The following COL13A1 variants were observed in gnomAD, a reference collection of about 807,000 sequenced individuals.
The protein encoded by COL13A1 is collagen type XIII alpha 1 chain, also known as collagen alpha-1(XIII) chain.
In COL13A1, 89 loss-of-function variants were observed where a neutral mutation model predicts 130.9. That is an observed-to-expected ratio of 0.68 (90% CI 0.57 to 0.81). COL13A1 has a LOEUF of 0.81. Among genes scored for constraint, COL13A1 ranks in the 30% least tolerant of loss-of-function variants. COL13A1 has a pLI of 0.00. For synonymous variants in COL13A1, 402 were observed against 341.6 expected, an observed-to-expected ratio of 1.18 and a Z score of -1.95; for missense variants, 879 against 934.6, an observed-to-expected ratio of 0.94 and a Z score of 0.78.
chr10:69,952,544 G>C (rs1424769206), intron 38 of COL13A1, among the ~76,000 whole-genome samples: 2 of 152,196 alleles, frequency 1.3e-5, no homozygotes, highest in African/African-American at 4.8e-5. Context: ...GAAGGAAGTT[G>C]GTCCCTAGCC....
chr10:69,905,023 G>A (rs529951653), intron 16 of COL13A1, 64 bp downstream of exon 16: 6 of 1,529,576 alleles, frequency 3.9e-6, no homozygotes, highest in Non-Finnish European at 5.3e-6. Context: ...GGGAGGGGGA[G>A]GCAGCACAGA....
intron 6 of COL13A1, among the ~76,000 whole-genome samples, chr10:69,879,749 G>A (rs902532599): frequency 6.6e-6 from 1 of 152,140 alleles, no homozygotes; most frequent in South Asian, 2.1e-4. Context: ...CGCACACATG[G>A]CACTTGTCTA....
At chr10:69,917,174 A>C (rs1233250392) in intron 17 of COL13A1, 115 bp from the exon 18 acceptor site, 2 of 1,326,770 alleles carry the variant, frequency 1.5e-6, no homozygotes, top group Middle Eastern at 3.7e-4. Context: ...TCAGAGCTCA[A>C]CATGAACCGG....
chr10:69,852,834 G>T (rs1169249106), intron 2 of COL13A1, among the ~76,000 whole-genome samples: 1 of 152,270 alleles, frequency 6.6e-6, no homozygotes, highest in Admixed American at 6.5e-5. Flanking sequence ...AGTGAATGAT[G>T]CTAGTGGCCA....
At chr10:69,823,657 G>A (rs1846713040) in intron 2 of COL13A1, among the ~76,000 whole-genome samples, 1 of 152,208 alleles carries the variant, frequency 6.6e-6, no homozygotes, top group Non-Finnish European at 1.5e-5. Flanking sequence ...GCTGGAGAGT[G>A]AATGGGCTGG....
At chr10:69,880,395 G>T (rs2060008629) in intron 6 of COL13A1, 108 bp from the exon 7 acceptor site, 2 of 739,942 alleles carry the variant, frequency 2.7e-6, no homozygotes, top group African/African-American at 3.5e-5. Context: ...CCGGCCTCCT[G>T]CTCCTGGCCC....
intron 12 of COL13A1, 29 bp downstream of exon 12, chr10:69,894,730 T>C: frequency 6.2e-7 from 1 of 1,613,600 alleles, no homozygotes; most frequent in Non-Finnish European, 8.5e-7. Context: ...TCCTAGAGTC[T>C]CCATCTCAGG....
rs146874603 is a variant in COL13A1, at chr10:69,872,655, G to A, written c.399+445G>A. ...AACTTTGTTTTCTCTCAATTACCAC[G>A]TCCCAATTCTAGAGAGGCTGTGCCA... On this transcript the variant is annotated intron_variant, in intron 4 of 40. Transcript: ENST00000645393. Among the ~76,000 whole-genome samples, 21 of 152,256 alleles carry A rather than the reference G, an allele frequency of 1.4e-4. No homozygotes were observed. The East Asian group carries it at 1.9e-3, about 14-fold the overall frequency.
At chr10:69,803,259 C>T (rs1384570353) in intron 1 of COL13A1, among the ~76,000 whole-genome samples, 2 of 152,264 alleles carry the variant, frequency 1.3e-5, no homozygotes, top group African/African-American at 4.8e-5. Flanking sequence ...AAGTGTGGGT[C>T]GCCTGGCTCT....
intron 2 of COL13A1, among the ~76,000 whole-genome samples, chr10:69,827,233 G>T (rs1214781233): frequency 6.6e-6 from 1 of 152,182 alleles, no homozygotes; most frequent in South Asian, 2.1e-4. Context: ...AATGAGAAAT[G>T]AGGGTGGGAG....
At chr10:69,810,824 T>A (rs1372531817) in intron 1 of COL13A1, among the ~76,000 whole-genome samples, 2 of 152,182 alleles carry the variant, frequency 1.3e-5, no homozygotes, top group African/African-American at 4.8e-5. Context: ...ACACTCCCGC[T>A]CTCCCAGCCA....
At chr10:69,890,688 T>C (rs2061087485) in intron 10 of COL13A1, among the ~76,000 whole-genome samples, 1 of 152,272 alleles carries the variant, frequency 6.6e-6, no homozygotes, top group African/African-American at 2.4e-5. Flanking sequence ...TAGCTCTTCC[T>C]AACTTGCCAG....
intron 38 of COL13A1, among the ~76,000 whole-genome samples, chr10:69,950,768 C>T (rs1346399894): frequency 3.3e-5 from 5 of 152,330 alleles, no homozygotes; most frequent in African/African-American, 1.2e-4. Context: ...GAATAATGCA[C>T]TGGCAGTTGC....
intron 14 of COL13A1, among the ~76,000 whole-genome samples, chr10:69,902,545 C>T (rs1037410852): frequency 1.8e-4 from 27 of 152,322 alleles, no homozygotes; most frequent in Admixed American, 1.6e-3. Flanking sequence ...AACATCTTGG[C>T]GTTCTTCTCA....
At chr10:69,911,794 A>C (rs1329365000) in intron 17 of COL13A1, among the ~76,000 whole-genome samples, 1 of 152,254 alleles carries the variant, frequency 6.6e-6, no homozygotes, top group African/African-American at 2.4e-5. Flanking sequence ...GCCCATTGGC[A>C]CTGACTCCAT....
At chr10:69,866,006 A>T (rs1030611052) in intron 2 of COL13A1, among the ~76,000 whole-genome samples, 2 of 152,272 alleles carry the variant, frequency 1.3e-5, no homozygotes, top group Non-Finnish European at 2.9e-5. Flanking sequence ...AACCCCTCGA[A>T]TTGTGCCTGG....
At chr10:69,853,765 A>C (rs1855644277) in intron 2 of COL13A1, among the ~76,000 whole-genome samples, 3 of 152,190 alleles carry the variant, frequency 2.0e-5, no homozygotes, top group South Asian at 4.1e-4. Context: ...TGATGCAGGA[A>C]TGTGTCTGCC....
chr10:69,825,257 A>G (rs901446913), intron 2 of COL13A1, among the ~76,000 whole-genome samples: 12 of 152,214 alleles, frequency 7.9e-5, no homozygotes, highest in Admixed American at 7.2e-4. Flanking sequence ...AGAGAACATC[A>G]CTGTCATTCT....
intron 2 of COL13A1, among the ~76,000 whole-genome samples, chr10:69,860,466 A>C (rs1857685353): frequency 6.6e-6 from 1 of 152,170 alleles, no homozygotes. Flanking sequence ...AGAATGAGAA[A>C]AATAATTCTG....
Sources: gnomAD v4.1 joint callset for allele counts (sites outside exome capture counted in the v4.1 genomes callset) on GRCh38, gnomAD v4.1.1 for gene constraint, MANE v1.5 for transcripts, NCBI Gene and HGNC (gene_info 2026-07-23, HGNC 2026-07-21) for gene names.